SPAG16: variants seen among roughly 807,000 people sequenced by gnomAD.
SPAG16 encodes the protein sperm associated antigen 16.
Under a neutral mutation model 80.4 loss-of-function variants are expected in SPAG16, and 86 were observed. The ratio of observed to expected loss-of-function variants is 1.07; its 90% CI spans 0.90 to 1.28. The LOEUF (loss-of-function observed/expected upper bound fraction) is 1.28, where lower values mean the gene tolerates loss of function less well. Ranked by LOEUF, SPAG16 falls within the 50% of genes most tolerant of loss-of-function variation. The pLI is 0.00. For synonymous variants in SPAG16, 294 were observed against 265.9 expected (o/e 1.11, Z -1.03); for missense variants, 870 against 765.3 (o/e 1.14, Z -1.61).
chr2:214,291,600 C>T (rs1375699360), intron 15 of SPAG16, among the ~76,000 whole-genome samples: 3 of 152,094 alleles, frequency 2.0e-5, no homozygotes, highest in East Asian at 1.9e-4. Context: ...CCACCGCGCC[C>T]GGCCTAGATC....
At chr2:213,711,526 CTTT>C (rs1234929111) in intron 10 of SPAG16, among the ~76,000 whole-genome samples, 1 of 140,032 alleles carries the variant, frequency 7.1e-6, no homozygotes. Context: ...ATTTTCTTTC[CTTT>C]TTTTTTTTTT....
At chr2:214,327,952 A>T (rs993268729) in intron 15 of SPAG16, among the ~76,000 whole-genome samples, 1 of 152,188 alleles carries the variant, frequency 6.6e-6, no homozygotes. Flanking sequence ...AGGGTGGGTT[A>T]TGAAATCATG....
At chr2:214,167,693 A>G (rs954131739) in intron 15 of SPAG16, among the ~76,000 whole-genome samples, 1 of 152,108 alleles carries the variant, frequency 6.6e-6, no homozygotes, top group Non-Finnish European at 1.5e-5. Context: ...TATGAAACAC[A>G]TGTAAAAGAA....
chr2:213,712,500 T>C (rs1327646845), intron 10 of SPAG16, among the ~76,000 whole-genome samples: 1 of 152,108 alleles, frequency 6.6e-6, no homozygotes, highest in African/African-American at 2.4e-5. Flanking sequence ...AAGCCAGACT[T>C]GTAAAAGATG....
intron 15 of SPAG16, among the ~76,000 whole-genome samples, chr2:214,194,946 G>A (rs2057781260): frequency 6.6e-6 from 1 of 152,012 alleles, no homozygotes; most frequent in African/African-American, 2.4e-5. Context: ...GGGATTTGGG[G>A]ATGAATAAGT....
chr2:213,303,932 A>T (rs192564050), intron 3 of SPAG16, among the ~76,000 whole-genome samples: 34 of 151,996 alleles, frequency 2.2e-4, no homozygotes, highest in Admixed American at 1.1e-3. Context: ...AATAACTCTT[A>T]CTTTTAGTTT....
chr2:214,204,677 G>C (rs1197605244), intron 15 of SPAG16, among the ~76,000 whole-genome samples: 1 of 152,170 alleles, frequency 6.6e-6, no homozygotes, highest in Non-Finnish European at 1.5e-5. Flanking sequence ...AATCTGAACA[G>C]TAGCCTTCAG....
At chr2:213,879,123 T>A (rs1179247661) in intron 11 of SPAG16, among the ~76,000 whole-genome samples, 2 of 115,820 alleles carry the variant, frequency 1.7e-5, no homozygotes, top group African/African-American at 5.3e-5. Flanking sequence ...GATTGCTTTG[T>A]CTATTTGAGC....
intron 10 of SPAG16, among the ~76,000 whole-genome samples, chr2:213,671,284 G>A (rs1228983571): frequency 6.6e-6 from 1 of 152,172 alleles, no homozygotes; most frequent in Non-Finnish European, 1.5e-5. Flanking sequence ...GTAGGAGCTT[G>A]ACTATGGCAG....
intron 10 of SPAG16, among the ~76,000 whole-genome samples, chr2:213,749,016 G>A (rs1409220864): frequency 5.3e-5 from 8 of 151,992 alleles, no homozygotes; most frequent in African/African-American, 1.2e-4. Context: ...GCATGGTGGC[G>A]GGCGCCTGTA....
At chr2:213,440,126 G>T (rs1211591377) in intron 9 of SPAG16, among the ~76,000 whole-genome samples, 5 of 151,708 alleles carry the variant, frequency 3.3e-5, no homozygotes, top group African/African-American at 4.9e-5. Context: ...TGTGTGTGTT[G>T]TTAGCAAGCT....
intron 10 of SPAG16, among the ~76,000 whole-genome samples, chr2:213,550,023 A>AT (rs2076736348): frequency 6.6e-6 from 1 of 152,068 alleles, no homozygotes; most frequent in South Asian, 2.1e-4. Flanking sequence ...GTTGTATTTG[A>AT]CAAAAAGATG....
intron 10 of SPAG16, among the ~76,000 whole-genome samples, chr2:213,692,282 C>A (rs996270845): frequency 2.6e-5 from 4 of 152,084 alleles, no homozygotes; most frequent in African/African-American, 9.7e-5. Context: ...GGATTTGTTA[C>A]AGTACCTTTT....
intron 14 of SPAG16, among the ~76,000 whole-genome samples, chr2:214,143,107 C>T (rs2055446880): frequency 6.6e-6 from 1 of 152,124 alleles, no homozygotes; most frequent in Non-Finnish European, 1.5e-5. Context: ...TCTAAAGCCA[C>T]ATGGCCTTAA....
chr2:213,967,608 T>C (rs1055020227), intron 12 of SPAG16, among the ~76,000 whole-genome samples: 4 of 152,156 alleles, frequency 2.6e-5, no homozygotes, highest in African/African-American at 9.7e-5. Context: ...TATTTAAATA[T>C]AAAATTTTGT....
intron 10 of SPAG16, among the ~76,000 whole-genome samples, chr2:213,693,849 C>T (rs990276223): frequency 2.6e-5 from 4 of 152,086 alleles, no homozygotes; most frequent in Non-Finnish European, 5.9e-5. Flanking sequence ...GACTATCTGG[C>T]ACTGAAACTT....
At chr2:213,733,676 C>G (rs543208235) in intron 10 of SPAG16, among the ~76,000 whole-genome samples, 1 of 152,212 alleles carries the variant, frequency 6.6e-6, no homozygotes, top group South Asian at 2.1e-4. Context: ...ACTTTATCAA[C>G]ATTACCATTT....
chr2:213,566,173 G>C (rs2059756092), intron 10 of SPAG16, among the ~76,000 whole-genome samples: 1 of 152,148 alleles, frequency 6.6e-6, no homozygotes, highest in South Asian at 2.1e-4. Flanking sequence ...AATTAAACAA[G>C]AAGAAACTAA....
chr2:213,995,352 C>T (rs926337434), intron 12 of SPAG16, among the ~76,000 whole-genome samples: 1 of 152,148 alleles, frequency 6.6e-6, no homozygotes, highest in African/African-American at 2.4e-5. Context: ...TTGAGAGCAC[C>T]ATGCTGTGCT....
Sources: gnomAD v4.1 joint callset for allele counts (sites outside exome capture counted in the v4.1 genomes callset) on GRCh38, gnomAD v4.1.1 for gene constraint, MANE v1.5 for transcripts, NCBI Gene and HGNC (gene_info 2026-07-23, HGNC 2026-07-21) for gene names.